The following COL14A1 variants were observed in gnomAD, a reference collection of about 807,000 sequenced individuals.
The protein encoded by COL14A1 is collagen alpha-1(XIV) chain.
Under a neutral mutation model 230.3 loss-of-function variants are expected in COL14A1, and 136 were observed. That is an observed-to-expected ratio of 0.59 (90% CI 0.51 to 0.68). The LOEUF (loss-of-function observed/expected upper bound fraction) is 0.68, where lower values mean the gene tolerates loss of function less well. Ranked by LOEUF, COL14A1 falls within the 30% of genes least tolerant of loss-of-function variation. The probability of loss-of-function intolerance (pLI) is 0.00; values close to 1 mark genes in which losing one functional copy is unlikely to be tolerated. For synonymous variants in COL14A1, 792 were observed against 784.1 expected, an observed-to-expected ratio of 1.01 and a Z score of -0.17; for missense variants, 1,976 against 2,215.8, an observed-to-expected ratio of 0.89 and a Z score of 2.17.
intron 8 of COL14A1, among the ~76,000 whole-genome samples, chr8:120,203,353 T>TG (rs67085879): frequency 2.9e-4 from 41 of 143,210 alleles, no homozygotes; most frequent in South Asian, 9.2e-4. Context: ...CAGATGGGGG[T>TG]GGGGGGGGGT....
At chr8:120,345,313 C>G (rs1563749515) in intron 44 of COL14A1, 62 bp from the exon 45 acceptor site, 1 of 1,456,768 alleles carries the variant, frequency 6.9e-7, no homozygotes, top group East Asian at 2.6e-5. Flanking sequence ...AATGACACCC[C>G]TGGTCCTCTC....
At chr8:120,167,550 A>G (rs1235847132) in intron 4 of COL14A1, among the ~76,000 whole-genome samples, 2 of 152,228 alleles carry the variant, frequency 1.3e-5, no homozygotes, top group East Asian at 3.8e-4. Context: ...GGTTGATATG[A>G]ATTTATTAAA....
intron 35 of COL14A1, among the ~76,000 whole-genome samples, chr8:120,298,590 A>G (rs1820599898): frequency 1.3e-5 from 1 of 77,182 alleles, no homozygotes; most frequent in Non-Finnish European, 2.4e-5. Flanking sequence ...GTGTATACCC[A>G]TATATTTTAT....
chr8:120,239,234 A>G (rs909550359), intron 19 of COL14A1, among the ~76,000 whole-genome samples: 1 of 152,206 alleles, frequency 6.6e-6, no homozygotes, highest in African/African-American at 2.4e-5. Flanking sequence ...TGCATCCAGA[A>G]GAATTTTTCT....
Position 120,216,366 on chromosome 8 carries a change from C to G in COL14A1, c.1613C>G (p.Pro538Arg). 3 of 1,610,604 alleles carry G rather than the reference C, an allele frequency of 1.9e-6. No individual in the cohort carries two copies. In the East Asian group the frequency reaches 6.7e-5, roughly 36 times the overall value. ...GQETTLALSP[P>R]RNLRISNVGS... ...TACTGCCAAGTGGCTTTAAGTCCACCAAGAAACCTGAGAATCTCCAATGTT... is the reference window on the plus strand; with the variant it reads ...TACTGCCAAGTGGCTTTAAGTCCACGAAGAAACCTGAGAATCTCCAATGTT... The change falls in exon 14 of 48, where the codon CCA (proline) becomes CGA (arginine). Residue 538 changes from proline (P) to arginine (R), a missense_variant. This residue lies in a region of COL14A1 where 1,791 missense variants were observed against 2,019.5 expected (regional missense o/e 0.89). Transcript: ENST00000297848.
At chr8:120,365,920 C>T (rs543525580) in intron 45 of COL14A1, among the ~76,000 whole-genome samples, 154 of 152,248 alleles carry the variant, frequency 1.0e-3, no homozygotes, top group Non-Finnish European at 1.9e-3. Flanking sequence ...AAAAGAGATG[C>T]CAGGCTATGT....
At chr8:120,142,420 G>A (rs1814944745) in intron 1 of COL14A1, among the ~76,000 whole-genome samples, 1 of 152,150 alleles carries the variant, frequency 6.6e-6, no homozygotes, top group African/African-American at 2.4e-5. Flanking sequence ...AGGGTTATAT[G>A]TATACCCTGG....
chr8:120,206,013 C>T (rs1405795265), intron 9 of COL14A1, among the ~76,000 whole-genome samples: 1 of 152,128 alleles, frequency 6.6e-6, no homozygotes, highest in African/African-American at 2.4e-5. Flanking sequence ...TACCTAGTAT[C>T]GAGCTCATAG....
Position 120,220,276 on chromosome 8 carries a change from G to C in COL14A1, c.1737+3786G>C, listed in dbSNP as rs561040840. Reference sequence around the variant, plus strand: ...TCTGCTTAGTACCCAACATGCAATTGATTTTTTTTTTTTTTTGAGATGAAG... The same window carrying C: ...TCTGCTTAGTACCCAACATGCAATTCATTTTTTTTTTTTTTTGAGATGAAG... On this transcript the variant is annotated intron_variant, in intron 14 of 47. Transcript: ENST00000297848. 7.0e-3 allele frequency among the ~76,000 whole-genome samples: 672 copies of C among 95,380 alleles called. 7 individuals carry two copies. The highest frequency in any genetic ancestry group is 0.033 in the African/African-American group (636 of 19,124). 62.6% of individuals were successfully genotyped at this position (95,380 alleles called of 152,430 possible).
intron 37 of COL14A1, among the ~76,000 whole-genome samples, chr8:120,310,746 A>T (rs1284970717): frequency 1.3e-5 from 2 of 152,194 alleles, no homozygotes; most frequent in Non-Finnish European, 2.9e-5. Context: ...ATTTCGATTG[A>T]TTCTTCACAT....
rs77507730 is a variant in COL14A1 at position 120,318,918 on chromosome 8, C to T, written c.4659+2921C>T. 2.6e-3 allele frequency among the ~76,000 whole-genome samples: 391 copies of T among 152,260 alleles called. 1 individual carries two copies. Among genetic ancestry groups the T allele is most frequent in the African/African-American group, 8.8e-3 (365 of 41,564 alleles). On this transcript the variant is annotated intron_variant, in intron 40 of 47. Transcript: ENST00000297848. ...TTTTTATTTTCCTCCACTCTGAGCA[C>T]TGAAGTCACTTAACGTTACTGTGCC... is the stretch of plus-strand genomic sequence containing the variant.
At position 120,332,046 on chromosome 8, in the gene COL14A1, A is replaced by G. The variant is rs543895657; in HGVS notation, c.4660-95A>G. ...TTGGTAGTCCAGAGCAAGCAGCAGG[A>G]CTTGACCCCCAAACATGAAAAGGAA... On this transcript the variant is annotated intron_variant, in intron 40 of 47. Coordinates refer to ENST00000297848, the MANE Select transcript of COL14A1 (RefSeq NM_021110.4). 4.3e-4 allele frequency: 449 copies of G among 1,033,494 alleles called. 1 individual carries two copies. In the African/African-American group the frequency reaches 6.3e-3, roughly 14 times the overall value. The allele number at this position is 1,033,494 out of a possible 1,614,324, so 64.0% of individuals were successfully genotyped here.
At chr8:120,337,646 A>T (rs543103221) in intron 42 of COL14A1, among the ~76,000 whole-genome samples, 3 of 152,272 alleles carry the variant, frequency 2.0e-5, no homozygotes, top group Admixed American at 2.0e-4. Context: ...GAATCTATGA[A>T]TGTAGCTGCT....
chr8:120,219,451 C>A (rs1817861013), intron 14 of COL14A1, among the ~76,000 whole-genome samples: 1 of 152,292 alleles, frequency 6.6e-6, no homozygotes, highest in Non-Finnish European at 1.5e-5. Flanking sequence ...GTTCTAGAAG[C>A]TGAGAAGTCT....
chr8:120,329,353 T>G (rs1349333122), intron 40 of COL14A1, among the ~76,000 whole-genome samples: 1 of 152,182 alleles, frequency 6.6e-6, no homozygotes, highest in Non-Finnish European at 1.5e-5. Flanking sequence ...ATGCCTTTAA[T>G]CCCAGCACTC....
intron 1 of COL14A1, among the ~76,000 whole-genome samples, chr8:120,129,408 GAA>G (rs1488352080): frequency 2.6e-5 from 4 of 152,126 alleles, no homozygotes; most frequent in African/African-American, 7.2e-5. Context: ...TGAAAAAAAT[GAA>G]GAGAGGGAAA....
At chr8:120,222,755 A>C (rs1817969850) in intron 14 of COL14A1, among the ~76,000 whole-genome samples, 1 of 144,082 alleles carries the variant, frequency 6.9e-6, no homozygotes, top group Non-Finnish European at 1.5e-5. Flanking sequence ...ATTTTAATTT[A>C]CTTATTCTAT....
chr8:120,216,201 T>C (rs1331907924), intron 13 of COL14A1, 150 bp from the exon 14 acceptor site: 1 of 608,518 alleles, frequency 1.6e-6, no homozygotes, highest in African/African-American at 1.9e-5. Context: ...TTGATTTTTA[T>C]GAGACAATAC....
chr8:120,197,446 G>A (rs1817077170), intron 6 of COL14A1, among the ~76,000 whole-genome samples: 1 of 151,804 alleles, frequency 6.6e-6, no homozygotes, highest in Non-Finnish European at 1.5e-5. Context: ...ATTAAACAAA[G>A]TCTCCTAGTT....
Sources: allele counts gnomAD v4.1 joint callset (sites outside exome capture counted in the v4.1 genomes callset), GRCh38; gene constraint gnomAD v4.1.1; regional missense constraint gnomAD v4.1.1; transcripts MANE v1.5; gene names NCBI Gene and HGNC (gene_info 2026-07-23, HGNC 2026-07-21).